DPY19L2: variants seen among roughly 807,000 people sequenced by gnomAD.
DPY19L2 encodes dpy-19 like 2, also known as probable C-mannosyltransferase DPY19L2.
Under a neutral mutation model 97.9 loss-of-function variants are expected in DPY19L2, and 34 were observed. That is an observed-to-expected ratio of 0.35 (90% CI 0.26 to 0.46). The LOEUF is 0.46. Among genes scored for constraint, DPY19L2 ranks in the 20% least tolerant of loss-of-function variants. DPY19L2 has a pLI of 1.00. For synonymous variants in DPY19L2, 230 were observed against 307.9 expected (o/e 0.75, Z 2.65); for missense variants, 623 against 911.4 (o/e 0.68, Z 4.07).
At chr12:63,656,992 C>T (rs995967737) in intron 4 of DPY19L2, among the ~76,000 whole-genome samples, 4 of 152,112 alleles carry the variant, frequency 2.6e-5, no homozygotes, top group African/African-American at 9.7e-5. Context: ...TCCAGTTGTT[C>T]CAATATCTGT....
chr12:63,615,201 T>C (rs1277447951), intron 11 of DPY19L2, among the ~76,000 whole-genome samples: 3 of 152,120 alleles, frequency 2.0e-5, no homozygotes, highest in African/African-American at 7.2e-5. Context: ...AACACACATA[T>C]ACACAGCCCA....
intron 21 of DPY19L2, among the ~76,000 whole-genome samples, chr12:63,561,626 GC>G (rs1876536648): frequency 6.6e-6 from 1 of 150,846 alleles, no homozygotes; most frequent in South Asian, 2.1e-4. Context: ...CCTTTTTGTT[GC>G]TAAATAATAT....
intron 21 of DPY19L2, among the ~76,000 whole-genome samples, chr12:63,564,143 C>T (rs914591338): frequency 3.9e-5 from 6 of 151,958 alleles, no homozygotes; most frequent in African/African-American, 1.5e-4. Context: ...TCTTTTAGTT[C>T]GGGTAGGAAT....
intron 11 of DPY19L2, among the ~76,000 whole-genome samples, chr12:63,612,620 A>G (rs1887202548): frequency 7.1e-6 from 1 of 141,110 alleles, no homozygotes; most frequent in South Asian, 2.3e-4. Context: ...AAAAAAAAGG[A>G]CTAGGAAAAA....
At chr12:63,666,732 T>C (rs1167011538) in intron 1 of DPY19L2, among the ~76,000 whole-genome samples, 2 of 152,136 alleles carry the variant, frequency 1.3e-5, no homozygotes, top group Non-Finnish European at 2.9e-5. Context: ...TCCAAGTATT[T>C]TCATTGTCGT....
chr12:63,663,166 A>G (rs1216687504), intron 3 of DPY19L2, among the ~76,000 whole-genome samples: 1 of 152,160 alleles, frequency 6.6e-6, no homozygotes, highest in Non-Finnish European at 1.5e-5. Flanking sequence ...ACCAGCTGTG[A>G]GCAGATCTGG....
chr12:63,566,088 T>C (rs1349254202), intron 21 of DPY19L2, among the ~76,000 whole-genome samples: 1 of 152,136 alleles, frequency 6.6e-6, no homozygotes, highest in Admixed American at 6.6e-5. Flanking sequence ...AATGCACCTC[T>C]TGCAGGCAGT....
rs549813138 is a variant in DPY19L2 at position 63,659,457 on chromosome 12, C to T, written c.588+1887G>A. 2.8e-5 allele frequency among the ~76,000 whole-genome samples: 4 copies of T among 140,996 alleles called. No individual in the cohort carries two copies. In the East Asian group the frequency reaches 8.2e-4, roughly 29 times the overall value. 92.5% of individuals were successfully genotyped at this position (140,996 alleles called of 152,430 possible). On this transcript the variant is annotated intron_variant, in intron 4 of 21. Coordinates refer to ENST00000324472, the MANE Select transcript of DPY19L2 (RefSeq NM_173812.5). ...GATACATGTACAAATCCAACATATTCCCAACCAAAATCACAGCAGGTTTTT... is the reference window on the plus strand; with the variant it reads ...GATACATGTACAAATCCAACATATTTCCAACCAAAATCACAGCAGGTTTTT...
chr12:63,590,618 T>C (rs1046023352), intron 16 of DPY19L2, among the ~76,000 whole-genome samples: 7 of 152,122 alleles, frequency 4.6e-5, no homozygotes, highest in African/African-American at 1.7e-4. Flanking sequence ...CACTATTAAA[T>C]ACAAGTAACA....
intron 6 of DPY19L2, among the ~76,000 whole-genome samples, chr12:63,642,289 G>A (rs1431478658): frequency 6.6e-6 from 1 of 152,088 alleles, no homozygotes; most frequent in African/African-American, 2.4e-5. Flanking sequence ...CACTCACTTT[G>A]TGGTTTATTT....
In DPY19L2 at chr12:63,600,195, G is replaced by C. The variant is rs2942625; in HGVS notation, c.1359+111C>G. ...GCCAATAACTCGTCTAGAGACCTTAGAGAAGGCACTTAACCTCTGTAAAAT... is the reference window on the plus strand; with the variant it reads ...GCCAATAACTCGTCTAGAGACCTTACAGAAGGCACTTAACCTCTGTAAAAT... On this transcript the variant is annotated intron_variant, in intron 13 of 21. Coordinates refer to ENST00000324472, the MANE Select transcript of DPY19L2 (RefSeq NM_173812.5). 11 of 844,930 alleles carry C rather than the reference G, an allele frequency of 1.3e-5. No homozygotes were observed. In the East Asian group the frequency reaches 2.3e-4, roughly 17 times the overall value. The allele number at this position is 844,930 out of a possible 1,614,324, so 52.3% of individuals were successfully genotyped here. A position where few individuals can be genotyped will look rare whatever the true frequency, so the allele number is the denominator to read the frequency against.
chr12:63,600,567 G>A (rs1273207893), intron 12 of DPY19L2, among the ~76,000 whole-genome samples, 181 bp from the exon 13 acceptor site: 2 of 148,452 alleles, frequency 1.3e-5, no homozygotes, highest in Non-Finnish European at 3.0e-5. Context: ...TGATGACACT[G>A]GTATAAAATA....
chr12:63,620,669 A>G (rs1223835688), intron 9 of DPY19L2, among the ~76,000 whole-genome samples: 1 of 152,198 alleles, frequency 6.6e-6, no homozygotes, highest in Non-Finnish European at 1.5e-5. Context: ...TTAAAAATTT[A>G]TATGGAAACA....
rs1018994259 is a variant in DPY19L2, at chr12:63,581,698, G to A, written c.1725+708C>T. 4.0e-5 allele frequency among the ~76,000 whole-genome samples: 6 copies of A among 150,900 alleles called. No homozygotes were observed. In the East Asian group the frequency reaches 1.2e-3, roughly 29 times the overall value. The stretch of plus-strand genomic sequence containing the variant: ...GGGTTTCACCATGTTGGCCAGGCTG[G>A]TCTTGAACTCCTGACCTCAAGTGAT... On this transcript the variant is annotated intron_variant, in intron 18 of 21. Transcript: ENST00000324472.
At chr12:63,632,466 T>C (rs1565806206) in intron 6 of DPY19L2, among the ~76,000 whole-genome samples, 1 of 152,090 alleles carries the variant, frequency 6.6e-6, no homozygotes, top group African/African-American at 2.4e-5. Context: ...CCATTCACAA[T>C]TGCTTCAAAG....
At chr12:63,642,661 T>C (rs1287687894) in intron 6 of DPY19L2, among the ~76,000 whole-genome samples, 1 of 152,096 alleles carries the variant, frequency 6.6e-6, no homozygotes, top group African/African-American at 2.4e-5. Flanking sequence ...CAGTTATCTA[T>C]TTGTCTATTG....
intron 3 of DPY19L2, among the ~76,000 whole-genome samples, chr12:63,662,251 T>C (rs1388992448): frequency 3.3e-5 from 5 of 152,104 alleles, no homozygotes; most frequent in Non-Finnish European, 7.4e-5. Flanking sequence ...AAGGGCCACA[T>C]TGTTTAAAAT....
chr12:63,668,051 C>T lies in DPY19L2; in HGVS notation c.337+6G>A, dbSNP rs1896539099. ...CCCTCCTAGGGCTCTCCTGCCCTCT[C>T]CTCACCGATGCCGAGAGTGGTTCTG... is the stretch of plus-strand genomic sequence containing the variant. On this transcript the variant is annotated splice_donor_region_variant and intron_variant, in intron 1 of 21. Transcript: ENST00000324472. 3 of 1,612,990 alleles carry T rather than the reference C, an allele frequency of 1.9e-6. No homozygotes were observed. Among genetic ancestry groups the T allele is most frequent in the Middle Eastern group, 1.7e-4 (1 of 6,046 alleles).
Position 63,644,418 on chromosome 12 carries a change from T to A in DPY19L2, c.788A>T (p.Tyr263Phe), listed in dbSNP as rs779680800. The change falls in exon 6 of 22, where the codon TAT becomes TTT. Residue 263 changes from tyrosine to phenylalanine, a missense_variant. Tyr to Phe is a conservative substitution (Grantham distance 22). This residue lies in a region of DPY19L2 where 67 missense variants were observed against 88.0 expected (regional missense o/e 0.76). Coordinates refer to ENST00000324472, the MANE Select transcript of DPY19L2 (RefSeq NM_173812.5). ...GTAGTCTTACCTCAGGTATGCTCCA[T>A]ACATGAAGAACAATCCCATCATTAG... ...NGLMMGLFFM[Y>F]GAYLSGTQLG... The A allele has an allele frequency of 6.2e-7, 1 of 1,611,038 alleles. No homozygotes were observed. The highest frequency in any genetic ancestry group is 2.2e-5 in the East Asian group (1 of 44,806).
Sources: allele counts gnomAD v4.1 joint callset (sites outside exome capture counted in the v4.1 genomes callset), GRCh38; gene constraint gnomAD v4.1.1; regional missense constraint gnomAD v4.1.1; transcripts MANE v1.5; gene names NCBI Gene and HGNC (gene_info 2026-07-23, HGNC 2026-07-21).